The following ANKS1B variants were observed in gnomAD, a reference collection of about 807,000 sequenced individuals.
ANKS1B encodes ankyrin repeat and sterile alpha motif domain-containing protein 1B.
ANKS1B carries 36 observed loss-of-function variants against 148.3 expected under a neutral mutation model. The observed-to-expected ratio is 0.24, with a 90% CI of 0.19 to 0.32. The LOEUF is 0.32. ANKS1B is among the 10% of genes least tolerant of loss of function. The pLI is 1.00. For missense variants in ANKS1B, 1,157 were observed against 1,542.6 expected, an observed-to-expected ratio of 0.75 and a Z score of 4.19; for synonymous variants, 542 against 560.8, an observed-to-expected ratio of 0.97 and a Z score of 0.47.
chr12:99,802,850 C>A (rs547013975), intron 4 of ANKS1B, among the ~76,000 whole-genome samples: 3 of 151,406 alleles, frequency 2.0e-5, no homozygotes, highest in East Asian at 3.9e-4. Context: ...GAGTTCTAGG[C>A]CGAAGTGAGC....
At chr12:99,107,851 T>C (rs1422417309) in intron 15 of ANKS1B, among the ~76,000 whole-genome samples, 2 of 152,108 alleles carry the variant, frequency 1.3e-5, no homozygotes, top group Non-Finnish European at 2.9e-5. Context: ...CACAGATATC[T>C]AGAGAACAGA....
At chr12:99,587,170 G>A (rs1011427046) in intron 9 of ANKS1B, among the ~76,000 whole-genome samples, 1 of 152,118 alleles carries the variant, frequency 6.6e-6, no homozygotes, top group African/African-American at 2.4e-5. Context: ...TGTCTAATAA[G>A]AAGAAAGGTT....
intron 9 of ANKS1B, among the ~76,000 whole-genome samples, chr12:99,524,346 T>C (rs1446601420): frequency 6.6e-6 from 1 of 152,118 alleles, no homozygotes; most frequent in African/African-American, 2.4e-5. Context: ...CTGAAAGATG[T>C]CCATGTCTGA....
At chr12:99,168,142 A>G (rs1040167868) in intron 14 of ANKS1B, among the ~76,000 whole-genome samples, 5 of 152,206 alleles carry the variant, frequency 3.3e-5, no homozygotes, top group Non-Finnish European at 5.9e-5. Context: ...ACAGGTGTGT[A>G]TACATTTCTC....
chr12:99,100,688 C>T (rs111735075), intron 15 of ANKS1B, among the ~76,000 whole-genome samples: 81 of 152,308 alleles, frequency 5.3e-4, no homozygotes, highest in African/African-American at 1.9e-3. Flanking sequence ...TGCCATCACG[C>T]CCAGCTAAGT....
chr12:99,919,579 C>T (rs1357527147), intron 1 of ANKS1B, among the ~76,000 whole-genome samples: 1 of 152,014 alleles, frequency 6.6e-6, no homozygotes, highest in East Asian at 1.9e-4. Context: ...CAGGTAGACC[C>T]AGCCATAGGA....
chr12:99,294,495 A>G (rs958438731), intron 12 of ANKS1B, among the ~76,000 whole-genome samples: 17 of 152,152 alleles, frequency 1.1e-4, no homozygotes, highest in Admixed American at 3.9e-4. Context: ...ATCCACGGAG[A>G]CAGAGAATAG....
chr12:99,467,742 G>A (rs995811159), intron 10 of ANKS1B, among the ~76,000 whole-genome samples: 75 of 152,088 alleles, frequency 4.9e-4, no homozygotes, highest in Non-Finnish European at 8.1e-4. Context: ...GGGACATGAA[G>A]GACCTCTTCA....
At chr12:99,053,994 A>C (rs2099967915) in intron 16 of ANKS1B, among the ~76,000 whole-genome samples, 1 of 152,342 alleles carries the variant, frequency 6.6e-6, no homozygotes, top group East Asian at 1.9e-4. Context: ...CAGCAACATA[A>C]TGTTTCTGAG....
chr12:99,327,505 G>A (rs2086708546), intron 12 of ANKS1B, among the ~76,000 whole-genome samples: 2 of 137,056 alleles, frequency 1.5e-5, no homozygotes, highest in Non-Finnish European at 3.1e-5. Flanking sequence ...ATAAAATCTA[G>A]GTTTGTATAC....
chr12:99,774,356 T>A (rs1020372676), intron 7 of ANKS1B, among the ~76,000 whole-genome samples: 1 of 151,958 alleles, frequency 6.6e-6, no homozygotes, highest in Non-Finnish European at 1.5e-5. Context: ...AAAAGGCACA[T>A]AAATGACCCA....
At chr12:98,874,017 A>AAGATGGCTTC (rs2099680196) in intron 17 of ANKS1B, among the ~76,000 whole-genome samples, 1 of 152,282 alleles carries the variant, frequency 6.6e-6, no homozygotes, top group African/African-American at 2.4e-5. Context: ...ACACTGTGAA[A>AAGATGGCTTC]AGATGGCTTC....
At chr12:99,036,320 T>G (rs900632886) in intron 17 of ANKS1B, among the ~76,000 whole-genome samples, 3 of 150,330 alleles carry the variant, frequency 2.0e-5, no homozygotes, top group African/African-American at 7.4e-5. Flanking sequence ...AATGGGAGGT[T>G]TTTTTTTTTC....
chr12:99,346,397 ACT>A (rs916189612), intron 12 of ANKS1B, among the ~76,000 whole-genome samples: 3 of 149,132 alleles, frequency 2.0e-5, no homozygotes, highest in African/African-American at 7.4e-5. Flanking sequence ...ACACACACAC[ACT>A]CTCTCTCTCT....
In ANKS1B at chr12:98,829,694, G is replaced by C. The variant is rs1429023744; in HGVS notation, c.2887-341C>G. Reference sequence around the variant, plus strand: ...GAGGAACTGGGCCCTCATGTGGGCAGAGCGTCCTCACCATGGTAGATGCCA... The same window carrying C: ...GAGGAACTGGGCCCTCATGTGGGCACAGCGTCCTCACCATGGTAGATGCCA... On this transcript the variant is annotated intron_variant, in intron 18 of 26. Coordinates refer to ENST00000683438, the MANE Select transcript of ANKS1B (RefSeq NM_001352186.2). The surrounding 1 kb of genome is among the most constrained non-coding windows in gnomAD (Gnocchi z 5.2). Among the ~76,000 whole-genome samples the C allele has an allele frequency of 2.0e-5, 3 of 152,206 alleles. No homozygotes were observed. Among genetic ancestry groups the C allele is most frequent in the Non-Finnish European group, 2.9e-5 (2 of 68,036 alleles).
intron 17 of ANKS1B, among the ~76,000 whole-genome samples, chr12:99,005,731 T>G (rs894911146): frequency 3.3e-5 from 5 of 152,184 alleles, no homozygotes; most frequent in African/African-American, 1.2e-4. Flanking sequence ...CCCTTGGGCT[T>G]TCTCAGTTAT....
intron 12 of ANKS1B, among the ~76,000 whole-genome samples, chr12:99,387,169 C>T (rs2093895867): frequency 6.6e-6 from 1 of 152,122 alleles, no homozygotes; most frequent in Non-Finnish European, 1.5e-5. Context: ...GAAGGCTTCA[C>T]AAAGGAGGTT....
intron 1 of ANKS1B, among the ~76,000 whole-genome samples, chr12:99,978,429 G>A (rs2095654178): frequency 6.6e-6 from 1 of 152,136 alleles, no homozygotes; most frequent in South Asian, 2.1e-4. Context: ...TCATGCAGCT[G>A]GCACTGTTCA....
intron 14 of ANKS1B, among the ~76,000 whole-genome samples, chr12:99,217,841 A>AT (rs1405878457): frequency 2.6e-5 from 4 of 152,204 alleles, no homozygotes; most frequent in Admixed American, 6.5e-5. Flanking sequence ...AGGTTGTATT[A>AT]TTCCCCTTAT....
Sources: allele counts gnomAD v4.1 joint callset (sites outside exome capture counted in the v4.1 genomes callset), GRCh38; gene constraint gnomAD v4.1.1; non-coding constraint Gnocchi (gnomAD v3.1); transcripts MANE v1.5; gene names NCBI Gene and HGNC (gene_info 2026-07-23, HGNC 2026-07-21).